The following TTC6 variants were observed in gnomAD, a reference collection of about 807,000 sequenced individuals.
TTC6 encodes tetratricopeptide repeat domain 6.
TTC6 carries 172 observed loss-of-function variants against 210.4 expected under a neutral mutation model. The ratio of observed to expected loss-of-function variants is 0.82; its 90% CI spans 0.72 to 0.93. The LOEUF is 0.93. Ranked by LOEUF, TTC6 falls within the 40% of genes least tolerant of loss-of-function variation. TTC6 has a pLI of 0.00. For synonymous variants in TTC6, 804 were observed against 819.6 expected (o/e 0.98, Z 0.32); for missense variants, 2,414 against 2,318.1 (o/e 1.04, Z -0.85).
intron 1 of TTC6, among the ~76,000 whole-genome samples, chr14:37,630,934 T>G (rs1445757262): frequency 2.5e-5 from 3 of 118,714 alleles, no homozygotes; most frequent in African/African-American, 9.8e-5. Context: ...TTTTTTTTTT[T>G]TTTTTTTTTT....
intron 14 of TTC6, among the ~76,000 whole-genome samples, chr14:37,764,335 C>T (rs1209325899): frequency 6.6e-6 from 1 of 152,084 alleles, no homozygotes; most frequent in Non-Finnish European, 1.5e-5. Context: ...TGTTGAACTT[C>T]TGTCTAGTTG....
At position 37,699,236 on chromosome 14, in the gene TTC6, C is replaced by T. The variant is rs968420212; in HGVS notation, c.1377-2096C>T. Among the ~76,000 whole-genome samples, 3 of 152,324 alleles carry T rather than the reference C, an allele frequency of 2.0e-5. 1 individual carries two copies. ...AGCACTGTATCCATAACTGAAGGGA[C>T]TGACAGATGTAGCCCTATGATTTGT... On this transcript the variant is annotated intron_variant, in intron 4 of 30. Coordinates refer to ENST00000553443, the Ensembl canonical transcript of TTC6.
chr14:37,811,116 C>T, intron 24 of TTC6, among the ~76,000 whole-genome samples: 1 of 152,176 alleles, frequency 6.6e-6, no homozygotes, highest in East Asian at 1.9e-4. Flanking sequence ...GCTCCCATCC[C>T]TACCCCTTAC....
At chr14:37,752,870 A>G (rs2095956367) in intron 13 of TTC6, among the ~76,000 whole-genome samples, 1 of 151,626 alleles carries the variant, frequency 6.6e-6, no homozygotes, top group African/African-American at 2.4e-5. Flanking sequence ...CTTCCTGTAT[A>G]TGCCGGTTTT....
At chr14:37,774,242 A>G (rs1417464060) in intron 14 of TTC6, among the ~76,000 whole-genome samples, 2 of 151,914 alleles carry the variant, frequency 1.3e-5, no homozygotes, top group Admixed American at 6.6e-5. Context: ...TCCTATTTGG[A>G]TTCCTACTTT....
chr14:37,786,181 A>G (rs894184246), intron 14 of TTC6, among the ~76,000 whole-genome samples: 6 of 152,168 alleles, frequency 3.9e-5, no homozygotes, highest in Non-Finnish European at 7.4e-5. Context: ...AAGTCTGCAG[A>G]AGTTTCTGCT....
chr14:37,786,068 G>A (rs2096066843), intron 14 of TTC6, among the ~76,000 whole-genome samples: 1 of 152,172 alleles, frequency 6.6e-6, no homozygotes, highest in Admixed American at 6.5e-5. Context: ...GGCTACTCGG[G>A]GGTCAGGGAG....
At chr14:37,753,113 T>C in exon 14 of TTC6, 1 of 1,534,126 alleles carries the variant, frequency 6.5e-7, no homozygotes, top group Non-Finnish European at 8.7e-7. Flanking sequence ...TTTTTTATGA[T>C]CCCAAAAGAA....
At chr14:37,663,134 C>G (rs2095740787) in intron 1 of TTC6, among the ~76,000 whole-genome samples, 1 of 151,898 alleles carries the variant, frequency 6.6e-6, no homozygotes, top group Non-Finnish European at 1.5e-5. Flanking sequence ...TCCTGTATTC[C>G]TAGGCATTTT....
chr14:37,701,715 AT>A (rs1469466906), intron 5 of TTC6, among the ~76,000 whole-genome samples, 189 bp downstream of exon 7: 1 of 152,228 alleles, frequency 6.6e-6, no homozygotes, highest in Admixed American at 6.5e-5. Context: ...TCCTGACAAT[AT>A]TAACATGAAC....
intron 3 of TTC6, among the ~76,000 whole-genome samples, chr14:37,686,148 C>G (rs983364895): frequency 1.3e-5 from 2 of 151,832 alleles, no homozygotes; most frequent in Admixed American, 6.6e-5. Flanking sequence ...CTCTCTTTAC[C>G]CTTTACTAGT....
chr14:37,618,822 T>C (rs1370460429), upstream of TTC6, among the ~76,000 whole-genome samples: 1 of 152,178 alleles, frequency 6.6e-6, no homozygotes, highest in Admixed American at 6.5e-5. Flanking sequence ...TGTTAAACAA[T>C]GAACACTTGT....
chr14:37,736,759 A>G (rs969911470), intron 8 of TTC6, among the ~76,000 whole-genome samples: 23 of 152,006 alleles, frequency 1.5e-4, no homozygotes, highest in African/African-American at 5.1e-4. Context: ...TGCCTAATAT[A>G]GTCTTTTCTT....
rs2096094499 is a variant in TTC6, at chr14:37,797,087, C to T, written c.4029+140C>T. On this transcript the variant is annotated intron_variant, in intron 20 of 30. Coordinates refer to ENST00000553443, the Ensembl canonical transcript of TTC6. ...TGAATTAACATTTGGGTTATTTTCT[C>T]TCTTTTTTGTGCCCCCTCTTAAGAA... The T allele has an allele frequency of 6.1e-6, 5 of 823,024 alleles. No individual in the cohort carries two copies. The South Asian group carries it at 1.7e-4, about 29-fold the overall frequency. The allele number at this position is 823,024 out of a possible 1,614,324, so 51.0% of individuals were successfully genotyped here.
rs570759495 is a variant in TTC6, at chr14:37,818,871, G to T, written c.4763+1220G>T. ...AACGATGACTGATGTATTTGTTTTG[G>T]TGGGTGGGTGAAGACCAAAAGTGTC... On this transcript the variant is annotated intron_variant, in intron 26 of 30. Coordinates refer to ENST00000553443, the Ensembl canonical transcript of TTC6. Among the ~76,000 whole-genome samples, 4 of 152,206 alleles carry T rather than the reference G, an allele frequency of 2.6e-5. No homozygotes were observed. In the South Asian group the frequency reaches 8.3e-4, roughly 31 times the overall value.
At chr14:37,749,335 T>C in exon 11 of TTC6, 1 of 1,504,516 alleles carries the variant, frequency 6.6e-7, no homozygotes, top group Non-Finnish European at 8.8e-7. Flanking sequence ...CATTTGCATA[T>C]TGTAGGCGTG....
At chr14:37,784,449 T>C (rs189994815) in intron 14 of TTC6, among the ~76,000 whole-genome samples, 19 of 152,020 alleles carry the variant, frequency 1.2e-4, no homozygotes, top group African/African-American at 4.3e-4. Context: ...CAACCCCTGC[T>C]TTTTTTTGTT....
At chr14:37,827,499 A>G (rs981149217) in intron 29 of TTC6, 133 bp downstream of exon 31, 91 of 808,798 alleles carry the variant, frequency 1.1e-4, no homozygotes, top group Non-Finnish European at 1.6e-4. Context: ...TTAAAATGTT[A>G]TCTTTCATAA....
chr14:37,675,111 A>G (rs2095766187), intron 1 of TTC6, among the ~76,000 whole-genome samples: 1 of 152,084 alleles, frequency 6.6e-6, no homozygotes, highest in African/African-American at 2.4e-5. Context: ...ATCTTACAGT[A>G]CACAATTCAG....
Sources: allele counts gnomAD v4.1 joint callset (sites outside exome capture counted in the v4.1 genomes callset), GRCh38; gene constraint gnomAD v4.1.1; transcripts MANE v1.5; gene names NCBI Gene and HGNC (gene_info 2026-07-23, HGNC 2026-07-21).